MAT2B: variants seen among roughly 807,000 people sequenced by gnomAD.
MAT2B encodes the protein methionine adenosyltransferase 2 subunit beta.
In MAT2B, 16 loss-of-function variants were observed where a neutral mutation model predicts 36.1. That is an observed-to-expected ratio of 0.44 (90% CI 0.30 to 0.67). The LOEUF (loss-of-function observed/expected upper bound fraction) is 0.67. MAT2B is among the 30% of genes least tolerant of loss of function. The pLI, the probability that MAT2B is intolerant of heterozygous loss-of-function variation, is 0.09. For missense variants in MAT2B, 332 were observed against 398.2 expected, an observed-to-expected ratio of 0.83 and a Z score of 1.42; for synonymous variants, 148 against 136.9, an observed-to-expected ratio of 1.08 and a Z score of -0.57.
rs777248803 is a variant in MAT2B at position 163,505,660 on chromosome 5, T to C, written c.-27T>C. 7.9e-6 allele frequency: 10 copies of C among 1,271,868 alleles called. No homozygotes were observed. Among genetic ancestry groups the C allele is most frequent in the Non-Finnish European group, 1.0e-5 (10 of 1,001,602 alleles). 78.8% of individuals were successfully genotyped at this position (1,271,868 alleles called of 1,614,324 possible). A position where few individuals can be genotyped will look rare whatever the true frequency, so the allele number is the denominator to read the frequency against. On this transcript the variant is annotated 5_prime_UTR_variant, in exon 1 of 7. Transcript: ENST00000321757. ...CTGGGTTGGAGGAGGTGGCGGCCGC[T>C]GAGGCTGCGGCGTGAAGACGGCGGG... is the stretch of plus-strand genomic sequence containing the variant.
At chr5:163,515,183 A>G (rs1760112536) in intron 4 of MAT2B, among the ~76,000 whole-genome samples, 1 of 152,248 alleles carries the variant, frequency 6.6e-6, no homozygotes, top group Admixed American at 6.5e-5. Context: ...TTTGGAGAGG[A>G]CAAAAACATT....
chr5:163,511,670 T>G (rs1467581999), intron 1 of MAT2B, among the ~76,000 whole-genome samples: 2 of 148,442 alleles, frequency 1.3e-5, no homozygotes, highest in Non-Finnish European at 3.0e-5. Context: ...AGTTGTGTTT[T>G]CTGCTTTTTT....
At chr5:163,518,017 C>G (rs1266114002) in intron 6 of MAT2B, 176 bp from the exon 7 acceptor site, 2 of 526,502 alleles carry the variant, frequency 3.8e-6, no homozygotes, top group African/African-American at 3.8e-5. Context: ...CTTTGGGAGG[C>G]TGACGCAGGA....
At chr5:163,514,761 G>T (rs563350412) in intron 4 of MAT2B, among the ~76,000 whole-genome samples, 1 of 152,276 alleles carries the variant, frequency 6.6e-6, no homozygotes, top group Non-Finnish European at 1.5e-5. Flanking sequence ...TTGAGAAGCA[G>T]CCCTAGTGTA....
At chr5:163,504,308 G>A (rs970096385), upstream of MAT2B, among the ~76,000 whole-genome samples, 1 of 139,220 alleles carries the variant, frequency 7.2e-6, no homozygotes, top group Non-Finnish European at 1.5e-5. Context: ...CCAAACTAAT[G>A]AACAGTAATA....
intron 1 of MAT2B, among the ~76,000 whole-genome samples, chr5:163,509,829 T>A (rs952130698): frequency 4.6e-5 from 7 of 152,250 alleles, no homozygotes; most frequent in Admixed American, 2.6e-4. Flanking sequence ...CTTGTTTTCA[T>A]AGATCAGTTG....
At chr5:163,514,085 T>C (rs1402469328) in intron 4 of MAT2B, 91 bp downstream of exon 4, 2 of 1,033,884 alleles carry the variant, frequency 1.9e-6, no homozygotes, top group Non-Finnish European at 2.7e-6. Flanking sequence ...ATTTAAAAAG[T>C]CAATGAATAT....
At chr5:163,515,770 C>CTTTTT (rs66978639) in intron 4 of MAT2B, among the ~76,000 whole-genome samples, 2,067 of 69,600 alleles carry the variant, frequency 0.03, 327 homozygotes, top group East Asian at 0.066. Context: ...TTGCCTTTTT[C>CTTTTT]TTTTTTTTTT....
At chr5:163,513,267 T>C (rs963649603) in intron 2 of MAT2B, 33 of 252,388 alleles carry the variant, frequency 1.3e-4, no homozygotes, top group African/African-American at 7.2e-4. Flanking sequence ...TGGGATTACA[T>C]GCATGAACCG....
chr5:163,516,396 G>T, intron 4 of MAT2B, 122 bp from the exon 5 acceptor site: 3 of 733,962 alleles, frequency 4.1e-6, no homozygotes, highest in Non-Finnish European at 6.8e-6. Flanking sequence ...GTGTCATTTT[G>T]GTATATTTTA....
intron 4 of MAT2B, 42 bp from the exon 5 acceptor site, chr5:163,516,476 G>A (rs760241922): frequency 5.2e-6 from 8 of 1,524,392 alleles, no homozygotes; most frequent in East Asian, 4.5e-5. Context: ...CAAAATTTAA[G>A]AATCAGTCAG....
At chr5:163,514,494 TTAC>T (rs1364115619) in intron 4 of MAT2B, among the ~76,000 whole-genome samples, 1 of 152,198 alleles carries the variant, frequency 6.6e-6, no homozygotes, top group African/African-American at 2.4e-5. Flanking sequence ...AAATGTAAAA[TTAC>T]TAAGAACAAA....
intron 1 of MAT2B, among the ~76,000 whole-genome samples, chr5:163,508,525 C>T (rs1759980285): frequency 6.6e-6 from 1 of 152,124 alleles, no homozygotes. Context: ...GGCGTGAGCC[C>T]TGGCACCCGG....
At chr5:163,506,460 C>T (rs1759940713) in intron 1 of MAT2B, among the ~76,000 whole-genome samples, 1 of 152,176 alleles carries the variant, frequency 6.6e-6, no homozygotes, top group African/African-American at 2.4e-5. Context: ...CCGTCCCATC[C>T]TGCTCCATTC....
At chr5:163,506,675 A>G (rs1759946520) in intron 1 of MAT2B, among the ~76,000 whole-genome samples, 1 of 152,216 alleles carries the variant, frequency 6.6e-6, no homozygotes, top group Non-Finnish European at 1.5e-5. Context: ...GTTAGGATAA[A>G]TGGTCTATTA....
chr5:163,514,709 G>T (rs1760104005), intron 4 of MAT2B, among the ~76,000 whole-genome samples: 1 of 152,050 alleles, frequency 6.6e-6, no homozygotes. Context: ...TAATTTAATG[G>T]TCCCCTGCAC....
Position 163,518,369 on chromosome 5 carries a change from T to A in MAT2B, c.*6T>A, listed in dbSNP as rs1760167099. The A allele has an allele frequency of 1.9e-6, 3 of 1,585,312 alleles. No homozygotes were observed. The highest frequency in any genetic ancestry group is 1.7e-6 in the Non-Finnish European group (2 of 1,171,370). On this transcript the variant is annotated 3_prime_UTR_variant, in exon 7 of 7. Coordinates refer to ENST00000321757, the MANE Select transcript of MAT2B (RefSeq NM_013283.5). ...GACAAACGGTCTTTCATTAGTTTAT[T>A]TGTGTTGGGTTCTTTTTTTTTTTTA... is the stretch of plus-strand genomic sequence containing the variant.
chr5:163,514,086 CAATG>C (rs1397462285), intron 4 of MAT2B, 92 bp downstream of exon 4: 12 of 1,018,436 alleles, frequency 1.2e-5, no homozygotes, highest in Admixed American at 2.9e-5. Context: ...TTTAAAAAGT[CAATG>C]AATATGAATC....
chr5:163,510,087 T>C (rs1760014218), intron 1 of MAT2B, among the ~76,000 whole-genome samples: 1 of 152,184 alleles, frequency 6.6e-6, no homozygotes, highest in Non-Finnish European at 1.5e-5. Flanking sequence ...TCTTTGGTTA[T>C]TGTATATGTA....
Sources: gnomAD v4.1 joint callset for allele counts (sites outside exome capture counted in the v4.1 genomes callset) on GRCh38, gnomAD v4.1.1 for gene constraint, MANE v1.5 for transcripts, NCBI Gene and HGNC (gene_info 2026-07-23, HGNC 2026-07-21) for gene names.